The following MCC variants were observed in gnomAD, a reference collection of about 807,000 sequenced individuals.
The protein encoded by MCC is MCC regulator of Wnt signaling pathway.
In MCC, 90 loss-of-function variants were observed where a neutral mutation model predicts 116.2. The observed-to-expected ratio is 0.77, with a 90% CI of 0.65 to 0.92. MCC has a LOEUF of 0.92. Among genes scored for constraint, MCC ranks in the 40% least tolerant of loss-of-function variants. The pLI, the probability that MCC is intolerant of heterozygous loss-of-function variation, is 0.00. For missense variants in MCC, 1,516 were observed against 1,312.2 expected (o/e 1.16, Z -2.40); for synonymous variants, 578 against 510.5 (o/e 1.13, Z -1.78).
intron 1 of MCC, among the ~76,000 whole-genome samples, chr5:113,408,732 C>A (rs1451560700): frequency 1.3e-5 from 2 of 152,294 alleles, no homozygotes; most frequent in East Asian, 3.9e-4. Context: ...GTAGACAAAT[C>A]ATCAAGGTGG....
At chr5:113,290,339 T>C (rs950665937) in intron 3 of MCC, among the ~76,000 whole-genome samples, 9 of 152,264 alleles carry the variant, frequency 5.9e-5, no homozygotes, top group Non-Finnish European at 1.3e-4. Context: ...CAGAATTTTG[T>C]CTGTCCATTG....
At chr5:113,035,286 G>T (rs189136021) in intron 17 of MCC, among the ~76,000 whole-genome samples, 6 of 152,252 alleles carry the variant, frequency 3.9e-5, no homozygotes, top group Non-Finnish European at 2.9e-5. Flanking sequence ...CTGTTCAACA[G>T]CAAACTCTAT....
chr5:113,057,652 G>A (rs372059178), intron 14 of MCC, among the ~76,000 whole-genome samples: 3 of 152,176 alleles, frequency 2.0e-5, no homozygotes, highest in Non-Finnish European at 4.4e-5. Flanking sequence ...ATCAGAGGAC[G>A]CATCCAAAGG....
At chr5:113,141,091 A>G (rs937800146) in intron 5 of MCC, among the ~76,000 whole-genome samples, 8 of 152,186 alleles carry the variant, frequency 5.3e-5, no homozygotes, top group African/African-American at 1.9e-4. Flanking sequence ...GGATAGAACA[A>G]AAAAGGAAGA....
At chr5:113,167,936 A>G (rs116157136) in intron 3 of MCC, among the ~76,000 whole-genome samples, 1,865 of 152,250 alleles carry the variant, frequency 0.012, 16 homozygotes, top group Non-Finnish European at 0.016. Flanking sequence ...AGTCAATACC[A>G]TCCTTAAAAG....
At chr5:113,056,696 A>G (rs1185073664) in intron 14 of MCC, among the ~76,000 whole-genome samples, 4 of 152,218 alleles carry the variant, frequency 2.6e-5, no homozygotes, top group African/African-American at 9.7e-5. Context: ...CTATGTAACA[A>G]CCGTCCACAT....
intron 2 of MCC, among the ~76,000 whole-genome samples, chr5:113,384,627 T>C (rs527590167): frequency 2.2e-4 from 34 of 152,306 alleles, no homozygotes; most frequent in African/African-American, 7.5e-4. Flanking sequence ...CCTCTGCATG[T>C]AACCTTGAAA....
intron 2 of MCC, among the ~76,000 whole-genome samples, chr5:113,370,460 A>G (rs1365250444): frequency 3.9e-5 from 6 of 152,240 alleles, no homozygotes; most frequent in Admixed American, 3.9e-4. Context: ...GACCGTGGGT[A>G]CTAGCCCAAT....
At chr5:113,429,874 T>C (rs1316244079) in intron 1 of MCC, among the ~76,000 whole-genome samples, 1 of 152,200 alleles carries the variant, frequency 6.6e-6, no homozygotes, top group Non-Finnish European at 1.5e-5. Context: ...TAGCAACATA[T>C]AGAAGTAAAA....
intron 7 of MCC, among the ~76,000 whole-genome samples, chr5:113,103,191 G>C (rs1419264895): frequency 1.3e-5 from 2 of 152,040 alleles, no homozygotes; most frequent in African/African-American, 4.8e-5. Flanking sequence ...AAAACATAAG[G>C]GTACATCACT....
intron 1 of MCC, among the ~76,000 whole-genome samples, chr5:113,484,294 A>T (rs1216189252): frequency 6.6e-6 from 1 of 152,172 alleles, no homozygotes; most frequent in African/African-American, 2.4e-5. Context: ...TTAAAAATAT[A>T]CATATTTAAA....
At chr5:113,207,264 G>A (rs917881536) in intron 3 of MCC, among the ~76,000 whole-genome samples, 1 of 152,168 alleles carries the variant, frequency 6.6e-6, no homozygotes, top group Non-Finnish European at 1.5e-5. Context: ...AACCACAGTG[G>A]TCTTACCTCA....
chr5:113,476,607 T>C (rs1293288376), intron 1 of MCC, among the ~76,000 whole-genome samples: 1 of 152,194 alleles, frequency 6.6e-6, no homozygotes, highest in Non-Finnish European at 1.5e-5. Flanking sequence ...ACATTTAAAT[T>C]ATTTCTGACC....
intron 2 of MCC, among the ~76,000 whole-genome samples, chr5:113,345,502 A>T (rs1768113425): frequency 6.6e-6 from 1 of 152,228 alleles, no homozygotes; most frequent in Admixed American, 6.5e-5. Flanking sequence ...GTGTAGTCCT[A>T]GTGGTGGGAA....
intron 3 of MCC, among the ~76,000 whole-genome samples, chr5:113,219,926 C>G (rs1763474368): frequency 6.6e-6 from 1 of 151,974 alleles, no homozygotes; most frequent in South Asian, 2.1e-4. Context: ...ACAACATCCT[C>G]CCGGTCAGTG....
intron 1 of MCC, among the ~76,000 whole-genome samples, chr5:113,395,827 G>A (rs550761856): frequency 6.6e-6 from 1 of 151,572 alleles, no homozygotes; most frequent in Non-Finnish European, 1.5e-5. Context: ...ATTGCCTGGG[G>A]TGATTAATTA....
At chr5:113,433,667 AC>A (rs1770740221) in intron 1 of MCC, 10 of 1,523,442 alleles carry the variant, frequency 6.6e-6, no homozygotes, top group Non-Finnish European at 8.8e-6. Context: ...CTCTGGCTCC[AC>A]CCTTGACTTC....
chr5:113,300,989 A>G (rs1331224429), intron 3 of MCC, among the ~76,000 whole-genome samples: 1 of 152,216 alleles, frequency 6.6e-6, no homozygotes, highest in Non-Finnish European at 1.5e-5. Context: ...TCCCATTCAT[A>G]TAGATGAGGA....
chr5:113,229,828 G>C (rs1451991708), intron 3 of MCC, among the ~76,000 whole-genome samples: 1 of 152,200 alleles, frequency 6.6e-6, no homozygotes, highest in Non-Finnish European at 1.5e-5. Context: ...TAGCATAGGA[G>C]CAACAGGCTA....
Sources: allele counts gnomAD v4.1 joint callset (sites outside exome capture counted in the v4.1 genomes callset), GRCh38; gene constraint gnomAD v4.1.1; transcripts MANE v1.5; gene names NCBI Gene and HGNC (gene_info 2026-07-23, HGNC 2026-07-21).